Variants in PRKG2 observed in about 807,000 individuals in gnomAD.
PRKG2 encodes the protein cGMP-dependent protein kinase 2.
A neutral mutation model predicts 97.2 loss-of-function variants in PRKG2; 33 were observed. The ratio of observed to expected loss-of-function variants is 0.34; its 90% CI spans 0.26 to 0.45. PRKG2 has a LOEUF of 0.45. Ranked by LOEUF, PRKG2 falls within the 20% of genes least tolerant of loss-of-function variation. The pLI, the probability that PRKG2 is intolerant of heterozygous loss-of-function variation, is 1.00. For missense variants in PRKG2, 638 were observed against 900.0 expected (o/e 0.71, Z 3.73); for synonymous variants, 330 against 321.8 (o/e 1.03, Z -0.27).
intron 16 of PRKG2, among the ~76,000 whole-genome samples, chr4:81,105,086 C>A (rs1404844185): frequency 6.6e-6 from 1 of 152,046 alleles, no homozygotes; most frequent in Non-Finnish European, 1.5e-5. Flanking sequence ...AAATAAATTA[C>A]TCCTATTTTA....
chr4:81,110,501 G>A lies in PRKG2; in HGVS notation c.1887C>T (p.Phe629=), dbSNP rs777632869. The change falls in exon 15 of 19, where the codon TTC becomes TTT. Residue 629 remains phenylalanine (F), a synonymous_variant. Transcript: ENST00000264399. ...PEVILNKGHD[F]SVDFWSLGIL... ...TTCCCAGTGACCAGAAATCCACACT[G>A]AAGTCATGTCCCTTGTTGAGAATGA... is the stretch of plus-strand genomic sequence containing the variant. 1 of 1,611,544 alleles carries A rather than the reference G, an allele frequency of 6.2e-7. No homozygotes were observed. The highest frequency in any genetic ancestry group is 1.7e-5 in the Admixed American group (1 of 59,968).
chr4:81,135,399 A>T lies in PRKG2; in HGVS notation c.1635-103T>A, dbSNP rs968430151. 2.5e-6 allele frequency: 3 copies of T among 1,212,738 alleles called. No homozygotes were observed. The African/African-American group carries it at 4.6e-5, about 19-fold the overall frequency. 75.1% of individuals were successfully genotyped at this position (1,212,738 alleles called of 1,614,324 possible). ...GGATTGGCAGGTTTATGCAATATAA[A>T]TATTTTGCAGGGTATCAACAATAAA... is the stretch of plus-strand genomic sequence containing the variant. On this transcript the variant is annotated intron_variant, in intron 13 of 18. Transcript: ENST00000264399.
chr4:81,107,684 T>C (rs893833816), intron 15 of PRKG2, among the ~76,000 whole-genome samples: 2 of 152,018 alleles, frequency 1.3e-5, no homozygotes, highest in Admixed American at 1.3e-4. Context: ...AGCTAATTTT[T>C]GTATTTTTAG....
In PRKG2 at chr4:81,088,145, G is replaced by A. The variant is rs947070446; in HGVS notation, c.*1563C>T. 3.3e-5 allele frequency: 5 copies of A among 151,972 alleles called. No individual in the cohort carries two copies. Among genetic ancestry groups the A allele is most frequent in the Admixed American group, 2.6e-4 (4 of 15,254 alleles). The allele number at this position is 151,972 out of a possible 1,614,324, so 9.4% of individuals were successfully genotyped here. Reference sequence around the variant, plus strand: ...ATAATCTTTAAAAATACAGCTCCAGGAAACAAAAACTCTTTGGTTCAGCAA... The same window carrying A: ...ATAATCTTTAAAAATACAGCTCCAGAAAACAAAAACTCTTTGGTTCAGCAA... On this transcript the variant is annotated 3_prime_UTR_variant, in exon 19 of 19. Transcript: ENST00000264399.
intron 2 of PRKG2, among the ~76,000 whole-genome samples, chr4:81,177,567 G>A (rs1390435241): frequency 6.6e-6 from 1 of 152,132 alleles, no homozygotes; most frequent in Non-Finnish European, 1.5e-5. Context: ...GCCGGGCATG[G>A]TGGTGGGTGC....
chr4:81,110,705 C>T lies in PRKG2; in HGVS notation c.1777-94G>A. On this transcript the variant is annotated intron_variant, in intron 14 of 18. Coordinates refer to ENST00000264399, the MANE Select transcript of PRKG2 (RefSeq NM_006259.3). ...TACCTCTGAAATCTGCTTTCTACAC[C>T]CCACCCTTCTTTTTATACCATGCAC... 8 of 1,300,056 alleles carry T rather than the reference C, an allele frequency of 6.2e-6. No homozygotes were observed. In the South Asian group the frequency reaches 6.2e-5, roughly 10 times the overall value. The allele number at this position is 1,300,056 out of a possible 1,614,324, so 80.5% of individuals were successfully genotyped here. A position where few individuals can be genotyped will look rare whatever the true frequency, so the allele number is the denominator to read the frequency against.
chr4:81,092,522 A>AG, intron 17 of PRKG2, 70 bp from the exon 18 acceptor site: 1 of 789,562 alleles, frequency 1.3e-6, no homozygotes, highest in African/African-American at 1.8e-5. Context: ...GGGAGAAAGA[A>AG]AGAGACGACA....
chr4:81,187,586 T>C (rs1257435576), intron 2 of PRKG2, among the ~76,000 whole-genome samples: 1 of 152,108 alleles, frequency 6.6e-6, no homozygotes, highest in Non-Finnish European at 1.5e-5. Context: ...ACCACTCCTA[T>C]TCAACATAGT....
At chr4:81,118,985 T>G (rs1216485391) in intron 14 of PRKG2, among the ~76,000 whole-genome samples, 1 of 152,098 alleles carries the variant, frequency 6.6e-6, no homozygotes, top group Admixed American at 6.6e-5. Flanking sequence ...TTTGTAGAGA[T>G]GAGGTTTCAC....
intron 2 of PRKG2, among the ~76,000 whole-genome samples, chr4:81,191,967 C>A (rs1480859707): frequency 6.6e-6 from 1 of 152,202 alleles, no homozygotes; most frequent in Non-Finnish European, 1.5e-5. Context: ...AGTAACTTCA[C>A]TCCTAGGTTT....
rs370462648 is a variant in PRKG2 at position 81,189,727 on chromosome 4, G to A, written c.462-14768C>T. ...GTATACATATGTAACTAACCTGCAC[G>A]TTGTGCACATGTACCCTAAAACTTA... On this transcript the variant is annotated intron_variant, in intron 2 of 18. Transcript: ENST00000264399. Among the ~76,000 whole-genome samples the A allele has an allele frequency of 6.0e-5, 9 of 150,292 alleles. 1 individual carries two copies. The East Asian group carries it at 1.2e-3, about 20-fold the overall frequency.
At chr4:81,189,892 G>A (rs897575450) in intron 2 of PRKG2, among the ~76,000 whole-genome samples, 2 of 152,100 alleles carry the variant, frequency 1.3e-5, no homozygotes, top group African/African-American at 2.4e-5. Context: ...ACCTCTTCAT[G>A]GAGAACTACA....
At chr4:81,187,133 G>A (rs1228917720) in intron 2 of PRKG2, among the ~76,000 whole-genome samples, 1 of 152,138 alleles carries the variant, frequency 6.6e-6, no homozygotes, top group Non-Finnish European at 1.5e-5. Context: ...TATGAGGCCA[G>A]CATCATCCTG....
intron 11 of PRKG2, among the ~76,000 whole-genome samples, chr4:81,141,831 G>C (rs2110039822): frequency 6.6e-6 from 1 of 152,244 alleles, no homozygotes; most frequent in South Asian, 2.1e-4. Flanking sequence ...AGGTATAAGA[G>C]ACATTACACA....
At chr4:81,113,010 G>GT (rs145456379) in intron 14 of PRKG2, among the ~76,000 whole-genome samples, 4,116 of 152,284 alleles carry the variant, frequency 0.027, 85 homozygotes, top group Admixed American at 0.044. Flanking sequence ...AGTGAGGTAA[G>GT]TAAGAGAGCT....
chr4:81,141,042 G>A (rs1747230633), intron 11 of PRKG2, among the ~76,000 whole-genome samples: 1 of 151,034 alleles, frequency 6.6e-6, no homozygotes, highest in Non-Finnish European at 1.5e-5. Flanking sequence ...TTAAGACAGG[G>A]TCTCACTCTG....
In PRKG2 at chr4:81,152,808, A is replaced by C. The variant is rs114893184; in HGVS notation, c.991-754T>G. 5.8e-3 allele frequency among the ~76,000 whole-genome samples: 888 copies of C among 152,142 alleles called. 8 individuals carry two copies. The highest frequency in any genetic ancestry group is 0.021 in the African/African-American group (855 of 41,432). The stretch of plus-strand genomic sequence containing the variant: ...GGGGTCTAGGTTGGGAAAAAATGAC[A>C]AGAAGTAGTTCCTAGTGTTGAAGAG... On this transcript the variant is annotated intron_variant, in intron 7 of 18. Transcript: ENST00000264399.
chr4:81,153,837 G>A, intron 6 of PRKG2, 116 bp from the exon 7 acceptor site: 4 of 711,308 alleles, frequency 5.6e-6, no homozygotes, highest in Non-Finnish European at 9.5e-6. Context: ...GGTGATTTCT[G>A]TATTTCCATC....
At chr4:81,114,044 C>A (rs570832219) in intron 14 of PRKG2, among the ~76,000 whole-genome samples, 4 of 151,608 alleles carry the variant, frequency 2.6e-5, no homozygotes, top group Non-Finnish European at 4.4e-5. Flanking sequence ...AGAAGGTGGG[C>A]GAGATGAAGG....
Sources: allele counts gnomAD v4.1 joint callset (sites outside exome capture counted in the v4.1 genomes callset), GRCh38; gene constraint gnomAD v4.1.1; transcripts MANE v1.5; gene names NCBI Gene and HGNC (gene_info 2026-07-23, HGNC 2026-07-21).